Variants in KIAA1755 observed in about 807,000 individuals in gnomAD.
The protein encoded by KIAA1755 is uncharacterized protein KIAA1755.
A neutral mutation model predicts 91.7 loss-of-function variants in KIAA1755; 68 were observed. The ratio of observed to expected loss-of-function variants is 0.74; its 90% CI spans 0.61 to 0.91. The LOEUF is 0.91. Ranked by LOEUF, KIAA1755 falls within the 40% of genes least tolerant of loss-of-function variation. The probability of loss-of-function intolerance (pLI) is 0.00; values close to 1 mark genes in which losing one functional copy is unlikely to be tolerated. For synonymous variants in KIAA1755, 610 were observed against 604.6 expected (o/e 1.01, Z -0.13); for missense variants, 1,535 against 1,494.4 (o/e 1.03, Z -0.45).
At position 38,223,545 on chromosome 20, in the gene KIAA1755, C is replaced by T; in HGVS notation, c.2261G>A (p.Gly754Glu). ...ACCATGCTCCAGGCTCACCTGCATC[C>T]CCCCAGGGGGGTCGGCCTTCTCGAA... ...EEFEKADPPG[G>E]MQEATRCLSK... Residue 754 changes from glycine to glutamate, a missense_variant, in exon 9 of 14, where the codon GGG (glycine) becomes GAG (glutamate). Gly to Glu is a moderately conservative substitution (Grantham distance 98, BLOSUM62 -2). Coordinates refer to ENST00000279024, the MANE Select transcript of KIAA1755 (RefSeq NM_001029864.2). 1 of 1,580,062 alleles carries T rather than the reference C, an allele frequency of 6.3e-7. No individual in the cohort carries two copies.
In KIAA1755 at chr20:38,213,776, C is replaced by T. The variant is rs181146242; in HGVS notation, c.2902-33G>A. The stretch of plus-strand genomic sequence containing the variant: ...ACAAGAAGAGAGGGAGGTGGGGGCT[C>T]AGGCTGGAAGTGGGACCATGGAGGA... On this transcript the variant is annotated intron_variant, in intron 13 of 13. Transcript: ENST00000279024. The T allele has an allele frequency of 1.5e-3, 2,157 of 1,407,150 alleles. 2 individuals carry two copies. The highest frequency in any genetic ancestry group is 1.8e-3 in the Non-Finnish European group (1,962 of 1,069,978). 87.2% of individuals were successfully genotyped at this position (1,407,150 alleles called of 1,614,324 possible). A position where few individuals can be genotyped will look rare whatever the true frequency, so the allele number is the denominator to read the frequency against.
At chr20:38,237,677 G>A (rs2075982324) in intron 4 of KIAA1755, among the ~76,000 whole-genome samples, 2 of 152,046 alleles carry the variant, frequency 1.3e-5, no homozygotes, top group Non-Finnish European at 2.9e-5. Context: ...GGAGTGAAAA[G>A]GTGGTTGAAC....
chr20:38,240,520 C>A, intron 3 of KIAA1755, 62 bp downstream of exon 3: 1 of 1,420,668 alleles, frequency 7.0e-7, no homozygotes, highest in South Asian at 1.9e-5. Context: ...CCAAAACCAC[C>A]TAAAATGTGA....
At position 38,260,565 on chromosome 20, in the gene KIAA1755, G is replaced by T; in HGVS notation, c.-65C>A. 6.8e-7 allele frequency: 1 copy of T among 1,479,298 alleles called. No individual in the cohort carries two copies. The highest frequency in any genetic ancestry group is 8.9e-7 in the Non-Finnish European group (1 of 1,118,228). The allele number at this position is 1,479,298 out of a possible 1,614,324, so 91.6% of individuals were successfully genotyped here. On this transcript the variant is annotated 5_prime_UTR_variant, in exon 1 of 14. Transcript: ENST00000279024. ...CTGGGCGCGGGGTCTGTGGGTCCGC[G>T]GGTCCGTCTGTCTGGGGCAGCCCTC...
intron 1 of KIAA1755, among the ~76,000 whole-genome samples, chr20:38,252,548 A>C (rs1294881876): frequency 2.0e-5 from 3 of 152,152 alleles, no homozygotes; most frequent in Non-Finnish European, 4.4e-5. Context: ...GGGCCTGCCA[A>C]GTCTGCCCAG....
intron 4 of KIAA1755, among the ~76,000 whole-genome samples, chr20:38,232,408 C>T (rs1157670343): frequency 6.6e-6 from 1 of 151,828 alleles, no homozygotes; most frequent in Non-Finnish European, 1.5e-5. Flanking sequence ...GGGTGGATCA[C>T]GAGGTCAGGA....
chr20:38,259,820 C>CACACACACACACACACA (rs367702495), intron 1 of KIAA1755, among the ~76,000 whole-genome samples: 61 of 138,798 alleles, frequency 4.4e-4, no homozygotes, highest in African/African-American at 1.7e-3. Flanking sequence ...ACCACCACCA[C>CACACACACACACACACA]CACACACACA....
intron 4 of KIAA1755, chr20:38,233,248 A>C (rs943245994): frequency 1.3e-5 from 2 of 152,258 alleles, no homozygotes; most frequent in African/African-American, 4.8e-5. Context: ...AGAAACAAAT[A>C]GATGAAGCAT....
Position 38,218,315 on chromosome 20 carries a change from G to T in KIAA1755, c.2608C>A (p.Pro870Thr), listed in dbSNP as rs148038467. The change falls in exon 12 of 14, where the codon CCC (proline) becomes ACC (threonine). Residue 870 changes from proline to threonine, a missense_variant. Coordinates refer to ENST00000279024, the MANE Select transcript of KIAA1755 (RefSeq NM_001029864.2). ...EGRRCLQSLT[P>T]KDGSLETVEK... Reference sequence around the variant, plus strand: ...ACTGTCTCCAAACTTCCATCCTTGGGGGTCAGTGATTGCAGGCACCGCCTT... The same window carrying T: ...ACTGTCTCCAAACTTCCATCCTTGGTGGTCAGTGATTGCAGGCACCGCCTT... 222 of 1,614,224 alleles carry T rather than the reference G, an allele frequency of 1.4e-4. No individual in the cohort carries two copies. The East Asian group carries it at 4.8e-3, about 35-fold the overall frequency.
rs559616712 is a variant in KIAA1755, at chr20:38,250,776, C to T, written c.4-4650G>A. Among the ~76,000 whole-genome samples the T allele has an allele frequency of 2.6e-5, 4 of 152,006 alleles. No individual in the cohort carries two copies. The South Asian group carries it at 8.3e-4, about 32-fold the overall frequency. On this transcript the variant is annotated intron_variant, in intron 1 of 13. Coordinates refer to ENST00000279024, the MANE Select transcript of KIAA1755 (RefSeq NM_001029864.2). ...CCACGAAAAAACTGGCCCTACTACC[C>T]TAGCTTTTTAATATGCAAATGCAGG... is the stretch of plus-strand genomic sequence containing the variant.
intron 2 of KIAA1755, among the ~76,000 whole-genome samples, chr20:38,245,610 C>A (rs1482275159): frequency 2.0e-5 from 3 of 152,238 alleles, no homozygotes; most frequent in Non-Finnish European, 4.4e-5. Flanking sequence ...ACCAAAGGCA[C>A]TTGGCAGTGC....
chr20:38,238,250 G>A (rs2075993596), intron 4 of KIAA1755, among the ~76,000 whole-genome samples: 1 of 152,150 alleles, frequency 6.6e-6, no homozygotes, highest in Non-Finnish European at 1.5e-5. Flanking sequence ...AATTAATATG[G>A]AACAAACAGC....
chr20:38,246,011 A>T lies in KIAA1755; in HGVS notation c.119T>A (p.Phe40Tyr), dbSNP rs2076152917. Residue 40 changes from phenylalanine to tyrosine, a missense_variant, in exon 2 of 14, where the codon TTC (phenylalanine) becomes TAC (tyrosine). Physicochemically the swap from Phe to Tyr is conservative, Grantham distance 22 (BLOSUM62 3). Transcript: ENST00000279024. ...AAGGAAGCTCAGCCCATCCCCCTGG[A>T]AGCCAGAGTCCAGGAGACGGAACAC... Reference protein sequence around the residue: ...GQVFRLLDSGFQGDGLSFLLD... With the variant: ...GQVFRLLDSGYQGDGLSFLLD... 6.2e-7 allele frequency: 1 copy of T among 1,614,148 alleles called. No homozygotes were observed. Among genetic ancestry groups the T allele is most frequent in the Non-Finnish European group, 8.5e-7 (1 of 1,180,022 alleles).
At chr20:38,256,631 C>T (rs1051479068) in intron 1 of KIAA1755, among the ~76,000 whole-genome samples, 1 of 152,124 alleles carries the variant, frequency 6.6e-6, no homozygotes, top group African/African-American at 2.4e-5. Context: ...GAGGGAGGCC[C>T]TATCTCTACA....
rs1296760370 is a variant in KIAA1755, at chr20:38,222,506, G to A, written c.2360C>T (p.Ala787Val). 2 of 1,613,622 alleles carry A rather than the reference G, an allele frequency of 1.2e-6. No individual in the cohort carries two copies. Among genetic ancestry groups the A allele is most frequent in the African/African-American group, 2.7e-5 (2 of 74,926 alleles). ...GLLGLQREGGATLARLQHDAS... is the reference protein window; with the variant it reads ...GLLGLQREGGVTLARLQHDAS... ...ATCATGCTGCAGCCTGGCCAGGGTG[G>A]CTCCACCTTCCCGCTGGAGGCCCAG... The change falls in exon 10 of 14, where the codon GCC becomes GTC. Residue 787 changes from alanine (A) to valine (V), a missense_variant. By Grantham distance (64) the Ala-to-Val change is moderately conservative. Coordinates refer to ENST00000279024, the MANE Select transcript of KIAA1755 (RefSeq NM_001029864.2).
chr20:38,249,361 C>T (rs1280485566), intron 1 of KIAA1755, among the ~76,000 whole-genome samples: 2 of 152,168 alleles, frequency 1.3e-5, no homozygotes, highest in Non-Finnish European at 2.9e-5. Flanking sequence ...AATAAGGACC[C>T]CACTCAAAGG....
At chr20:38,219,550 G>T in intron 11 of KIAA1755, 80 bp downstream of exon 11, 1 of 1,562,916 alleles carries the variant, frequency 6.4e-7, no homozygotes, top group Non-Finnish European at 8.7e-7. Flanking sequence ...ACCTGACTAG[G>T]GACGGGCCCA....
At chr20:38,228,471 G>C (rs1411574029) in intron 5 of KIAA1755, among the ~76,000 whole-genome samples, 2 of 152,134 alleles carry the variant, frequency 1.3e-5, no homozygotes, top group Non-Finnish European at 2.9e-5. Flanking sequence ...TACAGCCCTC[G>C]TTTATAGCCC....
At chr20:38,219,508 G>T in intron 11 of KIAA1755, 122 bp downstream of exon 11, 1 of 1,352,020 alleles carries the variant, frequency 7.4e-7, no homozygotes, top group Admixed American at 2.1e-5. Flanking sequence ...TTGAAGGATC[G>T]CCAGCTTGGT....
Sources: gnomAD v4.1 joint callset for allele counts (sites outside exome capture counted in the v4.1 genomes callset) on GRCh38, gnomAD v4.1.1 for gene constraint, MANE v1.5 for transcripts, NCBI Gene and HGNC (gene_info 2026-07-23, HGNC 2026-07-21) for gene names.